The following CACNG4 variants were observed in gnomAD, a reference collection of about 807,000 sequenced individuals.
CACNG4 encodes the protein voltage-dependent calcium channel gamma-4 subunit.
CACNG4 carries 8 observed loss-of-function variants against 22.9 expected under a neutral mutation model. The observed-to-expected ratio is 0.35, with a 90% CI of 0.21 to 0.63. CACNG4 has a LOEUF of 0.63. Among genes scored for constraint, CACNG4 ranks in the 30% least tolerant of loss-of-function variants. CACNG4 has a pLI of 0.72. For missense variants in CACNG4, 357 were observed against 455.4 expected (o/e 0.78, Z 1.97); for synonymous variants, 188 against 191.9 (o/e 0.98, Z 0.17).
intron 1 of CACNG4, 26 bp downstream of exon 1, chr17:66,965,157 G>A: frequency 2.8e-6 from 3 of 1,073,886 alleles, no homozygotes; most frequent in Admixed American, 2.2e-5. Flanking sequence ...ACCCCTCGCC[G>A]CCCCACACAC....
At chr17:67,022,223 C>T (rs1047146348) in intron 2 of CACNG4, among the ~76,000 whole-genome samples, 6 of 152,040 alleles carry the variant, frequency 3.9e-5, no homozygotes, top group Non-Finnish European at 8.8e-5. Context: ...TACAGGCACT[C>T]GCCACTATAC....
intron 3 of CACNG4, among the ~76,000 whole-genome samples, chr17:67,025,454 G>A (rs1050148744): frequency 1.3e-5 from 2 of 152,238 alleles, no homozygotes; most frequent in South Asian, 2.1e-4. Context: ...GAAGGAGTTG[G>A]CCAGGTAAAG....
intron 1 of CACNG4, among the ~76,000 whole-genome samples, chr17:66,988,592 A>G (rs888777880): frequency 6.6e-6 from 1 of 151,750 alleles, no homozygotes; most frequent in African/African-American, 2.4e-5. Context: ...CGGCCCTTGG[A>G]TCTGTCACCA....
intron 1 of CACNG4, among the ~76,000 whole-genome samples, chr17:66,980,219 C>T (rs1764917190): frequency 6.6e-6 from 1 of 152,224 alleles, no homozygotes; most frequent in Non-Finnish European, 1.5e-5. Flanking sequence ...TTCCTGTCAG[C>T]ACAATTTCCA....
At chr17:67,026,100 A>T (rs1240590715) in intron 3 of CACNG4, among the ~76,000 whole-genome samples, 3 of 148,822 alleles carry the variant, frequency 2.0e-5, no homozygotes, top group Admixed American at 6.7e-5. Flanking sequence ...TGTGTGTGTG[A>T]AGAGTGTGGG....
chr17:66,966,862 AG>A (rs2035174098), intron 1 of CACNG4, among the ~76,000 whole-genome samples: 1 of 152,234 alleles, frequency 6.6e-6, no homozygotes, highest in African/African-American at 2.4e-5. Context: ...GCAATTGCTC[AG>A]ATCACGAACA....
chr17:67,004,446 A>G (rs559459837), intron 1 of CACNG4, among the ~76,000 whole-genome samples: 1 of 152,268 alleles, frequency 6.6e-6, no homozygotes, highest in East Asian at 1.9e-4. Context: ...ACCAGCCACA[A>G]GCTTCCACGC....
chr17:67,001,657 A>G (rs2035408582), intron 1 of CACNG4, among the ~76,000 whole-genome samples: 1 of 152,084 alleles, frequency 6.6e-6, no homozygotes, highest in African/African-American at 2.4e-5. Context: ...GCACCCAGCA[A>G]CCTCTTAATG....
chr17:66,984,482 C>T lies in CACNG4; in HGVS notation c.220+19351C>T, dbSNP rs569824603. On this transcript the variant is annotated intron_variant, in intron 1 of 3. Coordinates refer to ENST00000262138, the MANE Select transcript of CACNG4 (RefSeq NM_014405.4). This position sits in a 1 kb window ranked among gnomAD's most constrained non-coding sequence, Gnocchi z 4.0. ...ATCCCCAACTGCTGGCCTGTATTTT[C>T]TTCAGTCCTAGGTGATCCAGCAAAT... Among the ~76,000 whole-genome samples the T allele has an allele frequency of 6.6e-6, 1 of 152,310 alleles. No individual in the cohort carries two copies. The highest frequency in any genetic ancestry group is 6.5e-5 in the Admixed American group (1 of 15,304).
chr17:67,026,346 T>A (rs2035566201), intron 3 of CACNG4, among the ~76,000 whole-genome samples: 1 of 150,030 alleles, frequency 6.7e-6, no homozygotes, highest in Non-Finnish European at 1.5e-5. Flanking sequence ...TTTGTGTGTG[T>A]GAGCATGGTG....
intron 2 of CACNG4, among the ~76,000 whole-genome samples, chr17:67,022,802 C>T (rs1204109220): frequency 2.0e-5 from 3 of 152,222 alleles, no homozygotes; most frequent in East Asian, 3.9e-4. Context: ...CTTTCCTTTC[C>T]CAAGCCTTGC....
Position 67,030,585 on chromosome 17 carries a change from G to A in CACNG4, c.565G>A (p.Ala189Thr), listed in dbSNP as rs1475025442. Residue 189 changes from alanine (A) to threonine (T), a missense_variant, in exon 4 of 4, where the codon GCT becomes ACT. Ala to Thr is a moderately conservative substitution (Grantham distance 58). This residue lies in a region of CACNG4 where 240 missense variants were observed against 277.6 expected (regional missense o/e 0.86). Transcript: ENST00000262138. The surrounding 1 kb of genome is among the most constrained non-coding windows in gnomAD (Gnocchi z 6.4). ...CTACGGCTGGTCTTTTTACTTTGGA[G>A]CTCTGTCTTTCATTGTGGCTGAGAC... ...YNYGWSFYFG[A>T]LSFIVAETVG... The A allele has an allele frequency of 1.2e-6, 2 of 1,614,220 alleles. No individual in the cohort carries two copies. Among genetic ancestry groups the A allele is most frequent in the East Asian group, 2.2e-5 (1 of 44,884 alleles).
At chr17:66,966,294 C>A (rs1314596330) in intron 1 of CACNG4, among the ~76,000 whole-genome samples, 1 of 152,188 alleles carries the variant, frequency 6.6e-6, no homozygotes, top group African/African-American at 2.4e-5. Context: ...GCGCTCAGAT[C>A]GGGGACCGGG....
chr17:66,989,858 G>A (rs1042197566), intron 1 of CACNG4, among the ~76,000 whole-genome samples: 3 of 151,650 alleles, frequency 2.0e-5, no homozygotes, highest in East Asian at 1.9e-4. Flanking sequence ...ACTGAGTCTC[G>A]GATGAAACAC....
chr17:66,988,067 ACACACACACACACACATG>A (rs1169930804), intron 1 of CACNG4, among the ~76,000 whole-genome samples: 1 of 150,232 alleles, frequency 6.7e-6, no homozygotes, highest in Non-Finnish European at 1.5e-5. Context: ...ATATATATAT[ACACACACACACACACATG>A]CAACTGCACA....
chr17:66,983,669 G>T (rs772367214), intron 1 of CACNG4, among the ~76,000 whole-genome samples: 4 of 152,324 alleles, frequency 2.6e-5, no homozygotes, highest in African/African-American at 7.2e-5. Context: ...GGCACTCTCC[G>T]CAAAGAAGGT....
chr17:66,981,637 A>G (rs975330556), intron 1 of CACNG4, among the ~76,000 whole-genome samples: 5 of 152,288 alleles, frequency 3.3e-5, no homozygotes, highest in African/African-American at 9.6e-5. Context: ...GCCGCCCGTG[A>G]GTAGGACGGT....
chr17:67,004,881 G>T (rs1261418676), intron 1 of CACNG4, among the ~76,000 whole-genome samples: 1 of 152,110 alleles, frequency 6.6e-6, no homozygotes, highest in East Asian at 1.9e-4. Context: ...GCACCACCAT[G>T]CCCAGCTAAT....
chr17:66,969,159 A>C (rs193096961), intron 1 of CACNG4, among the ~76,000 whole-genome samples: 316 of 152,350 alleles, frequency 2.1e-3, no homozygotes, highest in Non-Finnish European at 3.0e-3. Flanking sequence ...CAGGGACAGA[A>C]GAGCCCGTGT....
Sources: allele counts gnomAD v4.1 joint callset (sites outside exome capture counted in the v4.1 genomes callset), GRCh38; gene constraint gnomAD v4.1.1; regional missense constraint gnomAD v4.1.1; non-coding constraint Gnocchi (gnomAD v3.1); transcripts MANE v1.5; gene names NCBI Gene and HGNC (gene_info 2026-07-23, HGNC 2026-07-21).